Variants in DYNC2I1 observed in about 807,000 individuals in gnomAD.
DYNC2I1 encodes the protein dynein 2 intermediate chain 1, also known as cytoplasmic dynein 2 intermediate chain 1.
DYNC2I1 carries 89 observed loss-of-function variants against 133.4 expected under a neutral mutation model. The observed-to-expected ratio is 0.67, with a 90% CI of 0.56 to 0.80. The LOEUF (loss-of-function observed/expected upper bound fraction) is 0.80, where lower values mean the gene tolerates loss of function less well. Ranked by LOEUF, DYNC2I1 falls within the 30% of genes least tolerant of loss-of-function variation. The probability of loss-of-function intolerance (pLI) is 0.00; values close to 1 mark genes in which losing one functional copy is unlikely to be tolerated. For missense variants in DYNC2I1, 1,291 were observed against 1,314.5 expected (o/e 0.98, Z 0.28); for synonymous variants, 504 against 484.3 (o/e 1.04, Z -0.54).
Position 158,922,405 on chromosome 7 carries a change from C to T in DYNC2I1, c.1950C>T (p.Ser650=). 1 of 1,613,950 alleles carries T rather than the reference C, an allele frequency of 6.2e-7. No homozygotes were observed. Among genetic ancestry groups the T allele is most frequent in the Non-Finnish European group, 8.5e-7 (1 of 1,179,890 alleles). The change falls in exon 16 of 25, where the codon TCC becomes TCT. Residue 650 remains serine, a synonymous_variant. Coordinates refer to ENST00000407559, the MANE Select transcript of DYNC2I1 (RefSeq NM_018051.5). ...QNRKVSSLHT[S]RVQRQMVVSV... ...GAAAAGTATCCTCCTTGCACACCTC[C>T]CGAGTTCAGAGGCAGATGGTGGTCT... is the stretch of plus-strand genomic sequence containing the variant.
intron 1 of DYNC2I1, among the ~76,000 whole-genome samples, chr7:158,857,126 A>G (rs1276195417): frequency 6.6e-6 from 1 of 152,212 alleles, no homozygotes; most frequent in Non-Finnish European, 1.5e-5. Flanking sequence ...TTAAGTTTAA[A>G]TATGACTTGT....
At chr7:158,853,640 T>C (rs1841102680), upstream of DYNC2I1, among the ~76,000 whole-genome samples, 1 of 150,034 alleles carries the variant, frequency 6.7e-6, no homozygotes, top group Non-Finnish European at 1.5e-5. Context: ...GAGCCGGCTG[T>C]ATGGGAGACC....
At chr7:158,954,232 T>C (rs1033148776) in intron 4 of DYNC2I1, among the ~76,000 whole-genome samples, 3 of 152,212 alleles carry the variant, frequency 2.0e-5, no homozygotes, top group Admixed American at 2.0e-4. Context: ...TACACCTCTT[T>C]CCTTTATGAA....
At chr7:158,911,523 T>G in intron 11 of DYNC2I1, 27 bp from the exon 12 acceptor site, 1 of 1,607,798 alleles carries the variant, frequency 6.2e-7, no homozygotes, top group African/African-American at 1.3e-5. Context: ...GAGTTAATTT[T>G]TGTCTTGTTT....
chr7:158,915,902 T>C (rs1585147518), intron 14 of DYNC2I1, among the ~76,000 whole-genome samples: 1 of 150,368 alleles, frequency 6.7e-6, no homozygotes, highest in East Asian at 1.9e-4. Flanking sequence ...TTAAGGATGA[T>C]TGTGAAACGT....
At chr7:158,910,217 A>C (rs1847258281) in intron 11 of DYNC2I1, among the ~76,000 whole-genome samples, 1 of 152,250 alleles carries the variant, frequency 6.6e-6, no homozygotes, top group South Asian at 2.1e-4. Context: ...TGGAAAAGGA[A>C]CTGTTTGTGA....
At chr7:158,840,357 G>A in the DYNC2I1 span, among the ~76,000 whole-genome samples, 2 of 152,182 alleles carry the variant, frequency 1.3e-5, no homozygotes, top group Non-Finnish European at 2.9e-5. Flanking sequence ...GTCGAAGTCG[G>A]GAGTTCAAGA....
At chr7:158,924,273 C>T (rs1431987787) in intron 17 of DYNC2I1, among the ~76,000 whole-genome samples, 2 of 152,248 alleles carry the variant, frequency 1.3e-5, no homozygotes, top group African/African-American at 4.8e-5. Flanking sequence ...ATCCTAGCTC[C>T]ACAGGAAGAT....
chr7:158,853,573 A>T (rs1241394420), upstream of DYNC2I1, among the ~76,000 whole-genome samples: 3 of 151,878 alleles, frequency 2.0e-5, no homozygotes, highest in Admixed American at 2.0e-4. Flanking sequence ...GGCTGCTCAG[A>T]CAGAGATGAT....
At chr7:158,844,665 C>T in the DYNC2I1 span, among the ~76,000 whole-genome samples, 1 of 151,950 alleles carries the variant, frequency 6.6e-6, no homozygotes, top group Non-Finnish European at 1.5e-5. Flanking sequence ...TCTTGTTGCC[C>T]AGGCTGGAGT....
chr7:158,893,809 CATATCATACCGT>C (rs1269169018), intron 8 of DYNC2I1, among the ~76,000 whole-genome samples: 5 of 152,062 alleles, frequency 3.3e-5, no homozygotes, highest in Admixed American at 1.3e-4. Flanking sequence ...TGTCACACCG[CATATCATACCGT>C]ATATCATACC....
chr7:158,957,143 C>T (rs2129490589), downstream of DYNC2I1, among the ~76,000 whole-genome samples: 1 of 152,360 alleles, frequency 6.6e-6, no homozygotes, highest in South Asian at 2.1e-4. Flanking sequence ...GTTTTGCCAC[C>T]TTCTCTAAAT....
chr7:158,890,913 A>G (rs576335166), intron 7 of DYNC2I1, among the ~76,000 whole-genome samples: 11 of 152,330 alleles, frequency 7.2e-5, no homozygotes, highest in African/African-American at 2.6e-4. Flanking sequence ...TCCTAGTGTC[A>G]TTGACAAAGG....
chr7:158,910,387 G>T (rs1353745159), intron 11 of DYNC2I1, among the ~76,000 whole-genome samples: 2 of 140,158 alleles, frequency 1.4e-5, no homozygotes, highest in South Asian at 2.4e-4. Flanking sequence ...ATTGGAGGGC[G>T]ATCAGCTGTG....
At chr7:158,895,307 C>T (rs1188960) in intron 8 of DYNC2I1, among the ~76,000 whole-genome samples, 21,489 of 152,088 alleles carry the variant, frequency 0.14, 1,797 homozygotes, top group Middle Eastern at 0.23. Context: ...TGATCTGTTT[C>T]GAGTGTGTTT....
rs1168552327 is a variant in DYNC2I1 at position 158,916,556 on chromosome 7, C to T, written c.1792-2184C>T. On this transcript the variant is annotated intron_variant, in intron 14 of 24. Transcript: ENST00000407559. Reference sequence around the variant, plus strand: ...GACATTAAGGATGATTGTGAAACGTCGACACGCTGGTTGACATTAAGGATG... The same window carrying T: ...GACATTAAGGATGATTGTGAAACGTTGACACGCTGGTTGACATTAAGGATG... Among the ~76,000 whole-genome samples, 4 of 52,078 alleles carry T rather than the reference C, an allele frequency of 7.7e-5. 2 individuals carry two copies. The East Asian group carries it at 1.7e-3, about 22-fold the overall frequency. The allele number at this position is 52,078 out of a possible 152,430, so 34.2% of individuals were successfully genotyped here.
intron 10 of DYNC2I1, chr7:158,903,508 A>G (rs1846440339): frequency 6.6e-6 from 1 of 152,248 alleles, no homozygotes; most frequent in Non-Finnish European, 1.5e-5. Context: ...GTTTTGCAGA[A>G]TGATTCTTTG....
At chr7:158,899,186 T>C (rs927861567) in intron 8 of DYNC2I1, among the ~76,000 whole-genome samples, 1 of 152,176 alleles carries the variant, frequency 6.6e-6, no homozygotes, top group Non-Finnish European at 1.5e-5. Context: ...ACAATGTAAA[T>C]GCTATGTAAA....
intron 8 of DYNC2I1, among the ~76,000 whole-genome samples, chr7:158,893,756 T>C (rs1845465834): frequency 6.6e-6 from 1 of 152,072 alleles, no homozygotes. Flanking sequence ...CCATATATCA[T>C]AGTGCATATC....
Sources: gnomAD v4.1 joint callset for allele counts (sites outside exome capture counted in the v4.1 genomes callset) on GRCh38, gnomAD v4.1.1 for gene constraint, MANE v1.5 for transcripts, NCBI Gene and HGNC (gene_info 2026-07-23, HGNC 2026-07-21) for gene names.